Variants in PEX19 observed in about 807,000 individuals in gnomAD.
The protein encoded by PEX19 is 33 kDa housekeeping protein.
Under a neutral mutation model 36.3 loss-of-function variants are expected in PEX19, and 29 were observed. That is an observed-to-expected ratio of 0.80 (90% CI 0.60 to 1.09). The LOEUF is 1.09. PEX19 is among the 50% of genes least tolerant of loss of function. PEX19 has a pLI of 0.00. For missense variants in PEX19, 396 were observed against 368.1 expected (o/e 1.08, Z -0.62); for synonymous variants, 141 against 135.2 (o/e 1.04, Z -0.30).
chr1:160,278,800 A>C lies in PEX19; in HGVS notation c.*751T>G. 1 of 454,074 alleles carries C rather than the reference A, an allele frequency of 2.2e-6. No individual in the cohort carries two copies. The highest frequency in any genetic ancestry group is 4.4e-6 in the Non-Finnish European group (1 of 226,784). 28.1% of individuals were successfully genotyped at this position (454,074 alleles called of 1,614,324 possible). A position where few individuals can be genotyped will look rare whatever the true frequency, so the allele number is the denominator to read the frequency against. ...AAAAGGTTGGGATAAACAGGTGTTT[A>C]AAAAAGAGAGGAGGTAAAAGGGAGG... On this transcript the variant is annotated 3_prime_UTR_variant, in exon 8 of 8. Transcript: ENST00000368072.
intron 5 of PEX19, among the ~76,000 whole-genome samples, chr1:160,281,562 C>T (rs1035479808): frequency 6.6e-6 from 1 of 152,194 alleles, no homozygotes; most frequent in African/African-American, 2.4e-5. Flanking sequence ...TGAGCCACTA[C>T]GCCAGGATAA....
chr1:160,282,265 G>A (rs1342208955), intron 4 of PEX19, 65 bp from the exon 5 acceptor site: 2 of 1,566,200 alleles, frequency 1.3e-6, no homozygotes, highest in Non-Finnish European at 1.8e-6. Context: ...CACTCTCTCA[G>A]GTGACAAAGA....
rs144256391 is a variant in PEX19 at position 160,283,595 on chromosome 1, G to T, written c.115C>A (p.Pro39Thr). 1 of 1,614,152 alleles carries T rather than the reference G, an allele frequency of 6.2e-7. No individual in the cohort carries two copies. Among genetic ancestry groups the T allele is most frequent in the East Asian group, 2.2e-5 (1 of 44,864 alleles). ...GCATCAGGGGCCGTGGTGGTAGAAG[G>T]GGGTGCTGGGGAGGGTTTGGCTTTA... is the stretch of plus-strand genomic sequence containing the variant. ...FDKAKPSPAPPSTTTAPDASG... is the reference protein window; with the variant it reads ...FDKAKPSPAPTSTTTAPDASG... The change falls in exon 2 of 8, where the codon CCT (proline) becomes ACT (threonine). Residue 39 changes from proline (P) to threonine (T), a missense_variant. Physicochemically the swap from Pro to Thr is conservative, Grantham distance 38. Transcript: ENST00000368072.
chr1:160,282,860 AC>A (rs1657833854), intron 3 of PEX19, 83 bp downstream of exon 3: 3 of 1,432,214 alleles, frequency 2.1e-6, no homozygotes, highest in Non-Finnish European at 3.0e-6. Flanking sequence ...ATTGCTATCA[AC>A]TTCACTAAGA....
In PEX19 at chr1:160,282,406, T is replaced by C. The variant is rs927312570; in HGVS notation, c.432+11A>G. On this transcript the variant is annotated intron_variant, in intron 4 of 7. Transcript: ENST00000368072. ...TGGACCCCTTGTGGGCCCCTACTAC[T>C]TTCTCCTCACCTGAAGGTCAGTGGC... The C allele has an allele frequency of 1.2e-6, 2 of 1,609,112 alleles. No individual in the cohort carries two copies. Among genetic ancestry groups the C allele is most frequent in the Non-Finnish European group, 1.7e-6 (2 of 1,175,392 alleles).
At position 160,277,179 on chromosome 1, in the gene PEX19, T is replaced by G. The variant is rs929568198; in HGVS notation, c.*2372A>C. 2.2e-6 allele frequency: 1 copy of G among 455,252 alleles called. No individual in the cohort carries two copies. The highest frequency in any genetic ancestry group is 2.0e-5 in the African/African-American group (1 of 49,968). The allele number at this position is 455,252 out of a possible 1,614,324, so 28.2% of individuals were successfully genotyped here. On this transcript the variant is annotated 3_prime_UTR_variant, in exon 8 of 8. Transcript: ENST00000368072. Reference sequence around the variant, plus strand: ...TGCTACTCAAAGATGATCTGCAGACTTGTGCTGGTCAGTGAACACCTTTTT... The same window carrying G: ...TGCTACTCAAAGATGATCTGCAGACGTGTGCTGGTCAGTGAACACCTTTTT...
At chr1:160,282,555 G>T in intron 3 of PEX19, 53 bp from the exon 4 acceptor site, 8 of 1,351,282 alleles carry the variant, frequency 5.9e-6, no homozygotes, top group Non-Finnish European at 6.4e-6. Context: ...TCCTTGCCTA[G>T]ACTGAACTGG....
At position 160,283,552 on chromosome 1, in the gene PEX19, C is replaced by T; in HGVS notation, c.158G>A (p.Arg53Lys). The change falls in exon 2 of 8, where the codon AGA (arginine) becomes AAA (lysine). Residue 53 changes from arginine (R) to lysine (K), a missense_variant. By Grantham distance (26) the Arg-to-Lys change is conservative. Transcript: ENST00000368072. ...TAPDASGPQK[R>K]SPGDTAKDAL... ...TACTTTGGCAGTGTCTCCTGGCGAT[C>T]TCTTCTGGGGCCCCGAAGCATCAGG... is the stretch of plus-strand genomic sequence containing the variant. 2.5e-6 allele frequency: 4 copies of T among 1,613,596 alleles called. No individual in the cohort carries two copies. Among genetic ancestry groups the T allele is most frequent in the Non-Finnish European group, 3.4e-6 (4 of 1,179,560 alleles).
rs1657956169 is a variant in PEX19, at chr1:160,285,056, T to G, written c.69A>C (p.Glu23Asp). Residue 23 changes from glutamate to aspartate, a missense_variant and splice_region_variant, in exon 1 of 8, where the codon GAA becomes GAC. Coordinates refer to ENST00000368072, the MANE Select transcript of PEX19 (RefSeq NM_002857.4). ...GCCTTTCCCACTATGGGCTCTTACT[T>G]TCCAGAAGCTCCTCCAATTCCCTGT... ...EADRELEELL[E>D]SALDDFDKAK... The G allele has an allele frequency of 6.2e-7, 1 of 1,611,924 alleles. No individual in the cohort carries two copies. The highest frequency in any genetic ancestry group is 1.1e-5 in the South Asian group (1 of 91,050).
In PEX19 at chr1:160,278,240, A is replaced by G. The variant is rs1310719057; in HGVS notation, c.*1311T>C. The stretch of plus-strand genomic sequence containing the variant: ...ACATAACAATATATTACTAACATTA[A>G]TAACAATAATGTAAAAGGTTAAAAT... On this transcript the variant is annotated 3_prime_UTR_variant, in exon 8 of 8. Coordinates refer to ENST00000368072, the MANE Select transcript of PEX19 (RefSeq NM_002857.4). The G allele has an allele frequency of 5.7e-6, 4 of 701,024 alleles. No homozygotes were observed. The highest frequency in any genetic ancestry group is 1.0e-5 in the Non-Finnish European group (4 of 384,808). The allele number at this position is 701,024 out of a possible 1,614,324, so 43.4% of individuals were successfully genotyped here.
In PEX19 at chr1:160,278,799, TAA is replaced by T. The variant is rs1277062872; in HGVS notation, c.*750_*751del. The T allele has an allele frequency of 2.2e-6, 1 of 453,896 alleles. No individual in the cohort carries two copies. The highest frequency in any genetic ancestry group is 2.3e-5 in the Admixed American group (1 of 42,564). 28.1% of individuals were successfully genotyped at this position (453,896 alleles called of 1,614,324 possible). ...AAAAAGGTTGGGATAAACAGGTGTT[TAA>T]AAAAGAGAGGAGGTAAAAGGGAGGA... On this transcript the variant is annotated 3_prime_UTR_variant, in exon 8 of 8. Transcript: ENST00000368072.
intron 3 of PEX19, 82 bp from the exon 4 acceptor site, chr1:160,282,584 A>G: frequency 1.0e-6 from 1 of 993,016 alleles, no homozygotes; most frequent in Non-Finnish European, 1.6e-6. Context: ...TTGGATATGA[A>G]GCATTTACTA....
rs574056299 is a variant in PEX19, at chr1:160,276,834, T to C, written c.*2717A>G. ...CCAATTATCAAAAAGTCTGTATTAA[T>C]TCAATTCTTAATTCATGAAGCCACC... On this transcript the variant is annotated 3_prime_UTR_variant, in exon 8 of 8. Coordinates refer to ENST00000368072, the MANE Select transcript of PEX19 (RefSeq NM_002857.4). 3.9e-4 allele frequency: 152 copies of C among 391,388 alleles called. No individual in the cohort carries two copies. Among genetic ancestry groups the C allele is most frequent in the Admixed American group, 7.8e-4 (25 of 32,182 alleles). The allele number at this position is 391,388 out of a possible 1,614,324, so 24.2% of individuals were successfully genotyped here.
Position 160,282,106 on chromosome 1 carries a change from T to C in PEX19, c.527A>G (p.Gln176Arg), listed in dbSNP as rs1231019046. ...GGAGAGTAGGTTCTGCATAATACTC[T>C]GCATGATGGGGAGGATGTTCCCTTC... ...DGEGNILPIM[Q>R]SIMQNLLSKD... Residue 176 changes from glutamine (Q) to arginine (R), a missense_variant, in exon 5 of 8, where the codon CAG becomes CGG. Gln to Arg is a conservative substitution (Grantham distance 43). Transcript: ENST00000368072. 15 of 1,613,966 alleles carry C rather than the reference T, an allele frequency of 9.3e-6. No individual in the cohort carries two copies. Among genetic ancestry groups the C allele is most frequent in the Non-Finnish European group, 1.3e-5 (15 of 1,179,838 alleles).
Position 160,278,735 on chromosome 1 carries a change from G to A in PEX19, c.*816C>T, listed in dbSNP as rs1168409449. On this transcript the variant is annotated 3_prime_UTR_variant, in exon 8 of 8. Transcript: ENST00000368072. ...AGAATCGTAAATGGACTAGATGAGG[G>A]GAAATAGGATGGGCCCTTCTTTATC... 4.4e-6 allele frequency: 2 copies of A among 454,100 alleles called. No homozygotes were observed. The highest frequency in any genetic ancestry group is 8.8e-6 in the Non-Finnish European group (2 of 226,796). The allele number at this position is 454,100 out of a possible 1,614,324, so 28.1% of individuals were successfully genotyped here. A position where few individuals can be genotyped will look rare whatever the true frequency, so the allele number is the denominator to read the frequency against.
Position 160,278,384 on chromosome 1 carries a change from T to C in PEX19, c.*1167A>G. 1 of 674,588 alleles carries C rather than the reference T, an allele frequency of 1.5e-6. No individual in the cohort carries two copies. Among genetic ancestry groups the C allele is most frequent in the Non-Finnish European group, 2.7e-6 (1 of 369,656 alleles). The allele number at this position is 674,588 out of a possible 1,614,324, so 41.8% of individuals were successfully genotyped here. A position where few individuals can be genotyped will look rare whatever the true frequency, so the allele number is the denominator to read the frequency against. On this transcript the variant is annotated 3_prime_UTR_variant, in exon 8 of 8. Transcript: ENST00000368072. ...CTGAGTTGTGGAAGGTGGGTGTTGA[T>C]GGAACCCAGCATTACAATATTGTGT...
chr1:160,277,506 G>A lies in PEX19; in HGVS notation c.*2045C>T, dbSNP rs2101795596. On this transcript the variant is annotated 3_prime_UTR_variant, in exon 8 of 8. Transcript: ENST00000368072. Reference sequence around the variant, plus strand: ...CTAGAGTACCATAACTCCACCACAAGTCCTGGAATAATTCCAAAAGTTTTT... The same window carrying A: ...CTAGAGTACCATAACTCCACCACAAATCCTGGAATAATTCCAAAAGTTTTT... 1 of 455,704 alleles carries A rather than the reference G, an allele frequency of 2.2e-6. No homozygotes were observed. The highest frequency in any genetic ancestry group is 1.5e-5 in the South Asian group (1 of 64,546). The allele number at this position is 455,704 out of a possible 1,614,324, so 28.2% of individuals were successfully genotyped here.
chr1:160,280,653 G>C (rs1259423424), intron 5 of PEX19, among the ~76,000 whole-genome samples: 1 of 151,814 alleles, frequency 6.6e-6, no homozygotes, highest in East Asian at 1.9e-4. Flanking sequence ...CAAGTAGCTG[G>C]GTCTACAAGT....
intron 5 of PEX19, among the ~76,000 whole-genome samples, chr1:160,280,510 T>C (rs560002399): frequency 1.3e-5 from 2 of 152,030 alleles, no homozygotes; most frequent in East Asian, 1.9e-4. Context: ...ATGGTCTCTA[T>C]TGTGTTTTTT....
Sources: allele counts gnomAD v4.1 joint callset (sites outside exome capture counted in the v4.1 genomes callset), GRCh38; gene constraint gnomAD v4.1.1; transcripts MANE v1.5; gene names NCBI Gene and HGNC (gene_info 2026-07-23, HGNC 2026-07-21).